Variants in FAM227B observed in about 807,000 individuals in gnomAD.
FAM227B encodes protein FAM227B.
In FAM227B, 88 loss-of-function variants were observed where a neutral mutation model predicts 73.8. The observed-to-expected ratio is 1.19, with a 90% confidence interval of 1.00 to 1.42. FAM227B has a LOEUF of 1.42. FAM227B is among the 40% of genes most tolerant of loss of function. The pLI is 0.00. For synonymous variants in FAM227B, 210 were observed against 190.5 expected (o/e 1.10, Z -0.84); for missense variants, 632 against 590.9 (o/e 1.07, Z -0.72).
At chr15:49,403,709 A>C (rs192353758) in intron 11 of FAM227B, among the ~76,000 whole-genome samples, 19 of 151,982 alleles carry the variant, frequency 1.3e-4, no homozygotes, top group Non-Finnish European at 1.8e-4. Context: ...TCAAAAAAAA[A>C]CTGCTAGATT....
At chr15:49,533,022 C>A (rs1426459785) in intron 10 of FAM227B, among the ~76,000 whole-genome samples, 1 of 151,856 alleles carries the variant, frequency 6.6e-6, no homozygotes, top group Non-Finnish European at 1.5e-5. Flanking sequence ...GTGTGTCCCC[C>A]CCACACTGCT....
intron 11 of FAM227B, chr15:49,424,537 T>C (rs774091678): frequency 1.0e-5 from 16 of 1,606,858 alleles, no homozygotes; most frequent in Non-Finnish European, 1.4e-5. Flanking sequence ...TGAGGATCGA[T>C]AAAAGAGGCA....
At chr15:49,381,595 T>G (rs2046537738) in intron 11 of FAM227B, among the ~76,000 whole-genome samples, 1 of 152,232 alleles carries the variant, frequency 6.6e-6, no homozygotes, top group Non-Finnish European at 1.5e-5. Context: ...AGGTACTTTG[T>G]ATTTGCCAGT....
At chr15:49,473,695 C>T (rs2054993840) in intron 11 of FAM227B, among the ~76,000 whole-genome samples, 1 of 151,810 alleles carries the variant, frequency 6.6e-6, no homozygotes, top group Admixed American at 6.6e-5. Flanking sequence ...CATTTGGAAA[C>T]CAAAGAAATT....
At chr15:49,564,840 T>C (rs902365386) in intron 9 of FAM227B, among the ~76,000 whole-genome samples, 3 of 151,534 alleles carry the variant, frequency 2.0e-5, no homozygotes, top group African/African-American at 7.3e-5. Flanking sequence ...GACTACTAGA[T>C]AGAAGAGGGA....
intron 9 of FAM227B, among the ~76,000 whole-genome samples, chr15:49,560,410 C>A (rs904898574): frequency 3.3e-5 from 5 of 152,002 alleles, no homozygotes; most frequent in African/African-American, 1.2e-4. Context: ...TACTGGTATT[C>A]CTGAAAGAGA....
At chr15:49,550,610 C>T (rs1461523594) in intron 9 of FAM227B, among the ~76,000 whole-genome samples, 3 of 151,378 alleles carry the variant, frequency 2.0e-5, no homozygotes, top group African/African-American at 4.9e-5. Context: ...GACGGGGTCA[C>T]GGCCGGGTAG....
intron 11 of FAM227B, among the ~76,000 whole-genome samples, chr15:49,446,295 T>C (rs1340178611): frequency 6.6e-6 from 1 of 151,542 alleles, no homozygotes; most frequent in Non-Finnish European, 1.5e-5. Context: ...AAGATTTAAA[T>C]TAGTGCAGTT....
chr15:49,572,926 TATTA>T (rs2075209969), intron 8 of FAM227B, among the ~76,000 whole-genome samples: 2 of 151,944 alleles, frequency 1.3e-5, no homozygotes, highest in Admixed American at 6.6e-5. Context: ...TTTTCAATGT[TATTA>T]ATTTTCTCTC....
At chr15:49,474,968 T>C (rs2055120108) in intron 11 of FAM227B, among the ~76,000 whole-genome samples, 1 of 150,222 alleles carries the variant, frequency 6.7e-6, no homozygotes, top group East Asian at 2.0e-4. Context: ...TTAAGATAAT[T>C]TGAATTTATA....
intron 11 of FAM227B, among the ~76,000 whole-genome samples, chr15:49,405,503 G>C (rs138551730): frequency 2.0e-5 from 3 of 152,240 alleles, no homozygotes; most frequent in Non-Finnish European, 4.4e-5. Flanking sequence ...CAGAAAGCCA[G>C]TCTTCAAGCT....
intron 11 of FAM227B, among the ~76,000 whole-genome samples, chr15:49,418,523 T>A (rs1313039629): frequency 6.6e-6 from 1 of 152,198 alleles, no homozygotes; most frequent in Non-Finnish European, 1.5e-5. Context: ...GAGGCCATTA[T>A]CCTTAGCAAA....
At chr15:49,443,695 TCTTA>T (rs1206846003) in intron 11 of FAM227B, among the ~76,000 whole-genome samples, 2 of 151,768 alleles carry the variant, frequency 1.3e-5, no homozygotes, top group African/African-American at 2.4e-5. Flanking sequence ...TTTACCTTCT[TCTTA>T]CTTATTAACA....
At chr15:49,528,318 C>T (rs1261738628) in intron 10 of FAM227B, among the ~76,000 whole-genome samples, 1 of 151,772 alleles carries the variant, frequency 6.6e-6, no homozygotes, top group African/African-American at 2.4e-5. Flanking sequence ...AAACTGGACC[C>T]CTATCTCTCA....
chr15:49,528,257 C>T (rs563372647), intron 10 of FAM227B, among the ~76,000 whole-genome samples: 64 of 151,880 alleles, frequency 4.2e-4, no homozygotes, highest in Middle Eastern at 6.8e-3. Flanking sequence ...AGAAAGAACA[C>T]CTATTCAATA....
intron 11 of FAM227B, among the ~76,000 whole-genome samples, chr15:49,414,387 G>T (rs1161481076): frequency 6.6e-6 from 1 of 150,590 alleles, no homozygotes; most frequent in East Asian, 2.0e-4. Context: ...CTACCAAGAG[G>T]TGAAGTGTGT....
At chr15:49,524,646 C>T (rs1004879339) in intron 10 of FAM227B, among the ~76,000 whole-genome samples, 2 of 152,202 alleles carry the variant, frequency 1.3e-5, no homozygotes, top group African/African-American at 4.8e-5. Context: ...ACAGCCTTCA[C>T]TGTGCACCTG....
intron 11 of FAM227B, among the ~76,000 whole-genome samples, chr15:49,502,512 C>G (rs1406015626): frequency 6.6e-6 from 1 of 152,174 alleles, no homozygotes; most frequent in African/African-American, 2.4e-5. Context: ...TTCTTTTGGC[C>G]GATTTCTCCC....
At chr15:49,352,131 C>T (rs771162430) in intron 13 of FAM227B, among the ~76,000 whole-genome samples, 16 of 152,262 alleles carry the variant, frequency 1.1e-4, no homozygotes, top group Non-Finnish European at 2.1e-4. Context: ...AACTGGAACA[C>T]AGACTCTCCA....
Sources: gnomAD v4.1 joint callset for allele counts (sites outside exome capture counted in the v4.1 genomes callset) on GRCh38, gnomAD v4.1.1 for gene constraint, MANE v1.5 for transcripts, NCBI Gene and HGNC (gene_info 2026-07-23, HGNC 2026-07-21) for gene names.